The following C2CD3 variants were observed in gnomAD, a reference collection of about 807,000 sequenced individuals.
C2CD3 encodes the protein C2 domain-containing protein 3.
In C2CD3, 148 loss-of-function variants were observed where a neutral mutation model predicts 234.0. That is an observed-to-expected ratio of 0.63 (90% confidence interval 0.55 to 0.72). C2CD3 has a LOEUF of 0.72. Ranked by LOEUF, C2CD3 falls within the 30% of genes least tolerant of loss-of-function variation. The pLI is 0.00. For missense variants in C2CD3, 2,577 were observed against 2,811.5 expected (o/e 0.92, Z 1.89); for synonymous variants, 1,000 against 1,035.4 (o/e 0.97, Z 0.66).
chr11:74,111,798 T>A (rs1037370537), intron 11 of C2CD3, among the ~76,000 whole-genome samples: 3 of 151,920 alleles, frequency 2.0e-5, no homozygotes, highest in East Asian at 1.9e-4. Flanking sequence ...ATTTTTTTTT[T>A]AAGCTCATCA....
chr11:74,057,774 C>T (rs1211194416), intron 24 of C2CD3, among the ~76,000 whole-genome samples: 1 of 152,014 alleles, frequency 6.6e-6, no homozygotes, highest in Non-Finnish European at 1.5e-5. Flanking sequence ...AATTCAAGAC[C>T]AGCCTGGGCA....
chr11:74,155,828 C>T (rs942338918), intron 3 of C2CD3, among the ~76,000 whole-genome samples: 1 of 152,020 alleles, frequency 6.6e-6, no homozygotes, highest in Non-Finnish European at 1.5e-5. Flanking sequence ...TTGTAAAAAC[C>T]ACTGAATTGT....
rs201583339 is a variant in C2CD3, at chr11:74,090,917, T to C, written c.3537A>G (p.Leu1179=). The part of the protein sequence containing the change: ...NQSSGLLDVG[L]RYRRSPRTAE... The stretch of plus-strand genomic sequence containing the variant: ...CTGTTCTTGGACTACGCCTGTACCT[T>C]AGGCCCACATCCAGTAAACCTGAAG... Residue 1179 remains leucine (L), a synonymous_variant, in exon 20 of 33, where the codon CTA becomes CTG. Coordinates refer to ENST00000334126, the MANE Select transcript of C2CD3 (RefSeq NM_001286577.2). 8 of 1,614,022 alleles carry C rather than the reference T, an allele frequency of 5.0e-6. No homozygotes were observed. Among genetic ancestry groups the C allele is most frequent in the African/African-American group, 1.3e-5 (1 of 75,038 alleles).
chr11:74,125,737 C>A (rs912491429), intron 7 of C2CD3, among the ~76,000 whole-genome samples: 1 of 152,048 alleles, frequency 6.6e-6, no homozygotes, highest in African/African-American at 2.4e-5. Context: ...TATAAATTAA[C>A]TGCCTTTTCA....
intron 30 of C2CD3, chr11:74,034,754 G>C: frequency 2.7e-6 from 2 of 735,668 alleles, no homozygotes; most frequent in South Asian, 3.2e-5. Context: ...GAAAATAGAA[G>C]CAGCAAGGTA....
chr11:74,096,321 T>C (rs1296154328), intron 16 of C2CD3, among the ~76,000 whole-genome samples: 2 of 152,168 alleles, frequency 1.3e-5, no homozygotes, highest in African/African-American at 2.4e-5. Flanking sequence ...CTATATGATA[T>C]ACATGTGTTT....
At chr11:74,139,216 C>T (rs1306038633) in intron 4 of C2CD3, among the ~76,000 whole-genome samples, 2 of 152,192 alleles carry the variant, frequency 1.3e-5, no homozygotes, top group Non-Finnish European at 2.9e-5. Flanking sequence ...CTCAGCAGAG[C>T]CTGACACAAA....
chr11:74,029,221 A>T (rs1242410994), intron 31 of C2CD3, among the ~76,000 whole-genome samples: 1 of 152,216 alleles, frequency 6.6e-6, no homozygotes, highest in Non-Finnish European at 1.5e-5. Flanking sequence ...TGAAGGGGGT[A>T]AAGAGGGGAC....
rs1378888609 is a variant in C2CD3 at position 74,074,316 on chromosome 11, C to A, written c.4888G>T (p.Asp1630Tyr). 3 of 1,614,220 alleles carry A rather than the reference C, an allele frequency of 1.9e-6. No individual in the cohort carries two copies. The highest frequency in any genetic ancestry group is 4.5e-5 in the East Asian group (2 of 44,890). Residue 1630 changes from aspartate (D) to tyrosine (Y), a missense_variant, in exon 24 of 33, where the codon GAT (aspartate) becomes TAT (tyrosine). Asp to Tyr is a radical substitution (Grantham distance 160, BLOSUM62 -3). Transcript: ENST00000334126. ...CTGACTGCAAACGTTCCATCCAAATCAGCAGGGCCCTCCTGCGTCAGGCGG... is the reference window on the plus strand; with the variant it reads ...CTGACTGCAAACGTTCCATCCAAATAAGCAGGGCCCTCCTGCGTCAGGCGG... ...EVRLTQEGPADLDGTFAVSIL... is the reference protein window; with the variant it reads ...EVRLTQEGPAYLDGTFAVSIL...
At chr11:74,058,851 A>G (rs1205314686) in intron 24 of C2CD3, among the ~76,000 whole-genome samples, 1 of 152,124 alleles carries the variant, frequency 6.6e-6, no homozygotes, top group Non-Finnish European at 1.5e-5. Context: ...AAAACTAAAG[A>G]TAAAAAATTT....
At chr11:74,116,092 A>T (rs185364538) in intron 9 of C2CD3, among the ~76,000 whole-genome samples, 51 of 152,326 alleles carry the variant, frequency 3.3e-4, no homozygotes, top group African/African-American at 1.2e-3. Flanking sequence ...AGAACCCAAA[A>T]GCAAATGCAA....
intron 23 of C2CD3, 84 bp downstream of exon 23, chr11:74,078,031 T>C (rs897693704): frequency 1.4e-6 from 2 of 1,467,644 alleles, no homozygotes; most frequent in African/African-American, 1.4e-5. Context: ...TCAAGTAAAG[T>C]AATGTCTGAC....
Position 74,040,390 on chromosome 11 carries a change from G to T in C2CD3, c.5660+1664C>A, listed in dbSNP as rs552820528. Among the ~76,000 whole-genome samples the T allele has an allele frequency of 2.0e-5, 3 of 151,972 alleles. No homozygotes were observed. The East Asian group carries it at 5.8e-4, about 29-fold the overall frequency. On this transcript the variant is annotated intron_variant, in intron 29 of 32. Transcript: ENST00000334126. ...AGCACTATTGATCAATTTTTAACTT[G>T]TCTCATTAACCAAAAAGATTTTGTT...
intron 7 of C2CD3, among the ~76,000 whole-genome samples, chr11:74,126,491 C>T (rs529141457): frequency 1.2e-4 from 19 of 152,088 alleles, no homozygotes; most frequent in Non-Finnish European, 2.2e-4. Context: ...GCCTGTAATC[C>T]CAGCACTTTG....
intron 9 of C2CD3, among the ~76,000 whole-genome samples, chr11:74,116,876 A>ATATACACGTGTATATGTG (rs1565312406): frequency 1.5e-4 from 20 of 132,164 alleles, no homozygotes; most frequent in African/African-American, 4.8e-4. Context: ...GTGTATATGT[A>ATATACACGTGTATATGTG]TATATACACA....
intron 29 of C2CD3, 70 bp downstream of exon 29, chr11:74,041,984 C>T (rs1953084341): frequency 1.3e-6 from 2 of 1,484,624 alleles, no homozygotes; most frequent in African/African-American, 1.4e-5. Flanking sequence ...AGCAGTAATG[C>T]ACATTGCCAT....
chr11:74,096,334 C>T (rs2135488340), intron 16 of C2CD3, among the ~76,000 whole-genome samples: 2 of 152,272 alleles, frequency 1.3e-5, no homozygotes, highest in South Asian at 4.1e-4. Flanking sequence ...ATGTGTTTAA[C>T]ATTTTAACTA....
At chr11:74,130,670 T>C (rs578064678) in intron 7 of C2CD3, among the ~76,000 whole-genome samples, 2 of 152,364 alleles carry the variant, frequency 1.3e-5, no homozygotes, top group Admixed American at 6.5e-5. Context: ...TGGGTTTTTT[T>C]CTAAACTATC....
intron 27 of C2CD3, among the ~76,000 whole-genome samples, chr11:74,048,930 C>T (rs1037873928): frequency 2.6e-5 from 4 of 152,166 alleles, no homozygotes; most frequent in African/African-American, 9.7e-5. Flanking sequence ...GAGTTGTCTA[C>T]GCTTACCGTG....
Sources: gnomAD v4.1 joint callset for allele counts (sites outside exome capture counted in the v4.1 genomes callset) on GRCh38, gnomAD v4.1.1 for gene constraint, MANE v1.5 for transcripts, NCBI Gene and HGNC (gene_info 2026-07-23, HGNC 2026-07-21) for gene names.